Variants in CACNA1C observed in about 807,000 individuals in gnomAD.
The protein encoded by CACNA1C is voltage-dependent L-type calcium channel subunit alpha-1C.
Under a neutral mutation model 229.0 loss-of-function variants are expected in CACNA1C, and 30 were observed. That is an observed-to-expected ratio of 0.13 (90% CI 0.10 to 0.18). CACNA1C has a LOEUF of 0.18. CACNA1C is among the 10% of genes least tolerant of loss of function. The pLI is 1.00. For missense variants in CACNA1C, 1,658 were observed against 2,845.0 expected (o/e 0.58, Z 9.49); for synonymous variants, 1,114 against 1,132.5 (o/e 0.98, Z 0.33).
chr12:2,674,580 T>C lies in CACNA1C; in HGVS notation c.4766T>C (p.Ile1589Thr). The change falls in exon 39 of 47, where the codon ATC (isoleucine) becomes ACC (threonine). Residue 1589 changes from isoleucine (I) to threonine (T), a missense_variant. Coordinates refer to ENST00000399655, the MANE Select transcript of CACNA1C (RefSeq NM_000719.7). The stretch of plus-strand genomic sequence containing the variant: ...GCCAATGAGGAGCTGCGGGCGATCA[T>C]CAAGAAGATCTGGAAGCGGACCAGC... ...EQANEELRAIIKKIWKRTSMK... is the reference protein window; with the variant it reads ...EQANEELRAITKKIWKRTSMK... The C allele has an allele frequency of 6.3e-7, 1 of 1,574,850 alleles. No homozygotes were observed. The highest frequency in any genetic ancestry group is 8.6e-7 in the Non-Finnish European group (1 of 1,159,618).
rs1426299120 is a variant in CACNA1C, at chr12:2,639,276, G to T, written c.3912+4896G>T. On this transcript the variant is annotated intron_variant, in intron 30 of 46. Transcript: ENST00000399655. This position sits in a 1 kb window ranked among gnomAD's most constrained non-coding sequence, Gnocchi z 4.2. ...GGGAAGCCTCTTGCTCTTCCTCAGT[G>T]CTTGGGTCTGAAATCATATTTTCCT... Among the ~76,000 whole-genome samples, 3 of 152,208 alleles carry T rather than the reference G, an allele frequency of 2.0e-5. No individual in the cohort carries two copies. Among genetic ancestry groups the T allele is most frequent in the Admixed American group, 1.3e-4 (2 of 15,290 alleles).
At chr12:2,080,834 C>T (rs2065308463) in intron 1 of CACNA1C, among the ~76,000 whole-genome samples, 1 of 151,658 alleles carries the variant, frequency 6.6e-6, no homozygotes, top group Admixed American at 6.6e-5. Flanking sequence ...AGAATACAGC[C>T]CAGATATTAA....
At chr12:2,205,497 C>T (rs1361738989) in intron 3 of CACNA1C, among the ~76,000 whole-genome samples, 1 of 152,126 alleles carries the variant, frequency 6.6e-6, no homozygotes, top group African/African-American at 2.4e-5. Flanking sequence ...CTCTTGGCTC[C>T]TATAGCACTG....
chr12:2,458,634 A>T (rs1291947175), intron 5 of CACNA1C, among the ~76,000 whole-genome samples: 11 of 152,168 alleles, frequency 7.2e-5, no homozygotes, highest in Admixed American at 7.2e-4. Context: ...GGACCAGATG[A>T]GTTTGGAGAT....
At chr12:2,234,721 T>A (rs1190340276) in intron 3 of CACNA1C, among the ~76,000 whole-genome samples, 1 of 152,110 alleles carries the variant, frequency 6.6e-6, no homozygotes, top group Non-Finnish European at 1.5e-5. Context: ...GTATGTCCCA[T>A]CCTGCTTGTA....
At chr12:2,577,126 T>C (rs1399116787) in intron 13 of CACNA1C, among the ~76,000 whole-genome samples, 1 of 152,082 alleles carries the variant, frequency 6.6e-6, no homozygotes, top group Non-Finnish European at 1.5e-5. Flanking sequence ...CAACCCCATC[T>C]TTCTCTCTGT....
chr12:2,160,871 G>A (rs2095819625), intron 3 of CACNA1C, among the ~76,000 whole-genome samples: 1 of 152,204 alleles, frequency 6.6e-6, no homozygotes, highest in Non-Finnish European at 1.5e-5. Flanking sequence ...ACCCAGGCGG[G>A]AGTGCAGTGG....
intron 1 of CACNA1C, among the ~76,000 whole-genome samples, chr12:2,043,550 C>T (rs539461551): frequency 9.9e-5 from 15 of 151,814 alleles, no homozygotes; most frequent in African/African-American, 3.1e-4. Flanking sequence ...ACATTTCATT[C>T]GTCAGGACTA....
At chr12:2,126,037 G>A (rs1447420383) in intron 3 of CACNA1C, among the ~76,000 whole-genome samples, 3 of 152,182 alleles carry the variant, frequency 2.0e-5, no homozygotes, top group Non-Finnish European at 4.4e-5. Context: ...CCATTCTGTC[G>A]CAGGCCCTTT....
intron 3 of CACNA1C, among the ~76,000 whole-genome samples, chr12:2,426,508 C>A (rs892873531): frequency 1.3e-5 from 2 of 152,166 alleles, no homozygotes; most frequent in African/African-American, 2.4e-5. Flanking sequence ...ATTTGAAAGG[C>A]AGTAGAAGGG....
chr12:2,420,121 G>GTGTGTGTGTC (rs2098962297), intron 3 of CACNA1C, among the ~76,000 whole-genome samples: 1 of 150,256 alleles, frequency 6.7e-6, no homozygotes, highest in African/African-American at 2.5e-5. Context: ...GTGTGTGTGT[G>GTGTGTGTGTC]TGTGTGTGTG....
intron 1 of CACNA1C, among the ~76,000 whole-genome samples, chr12:2,066,309 G>C (rs956065858): frequency 6.6e-6 from 1 of 152,068 alleles, no homozygotes; most frequent in Non-Finnish European, 1.5e-5. Flanking sequence ...AGCCATTGGG[G>C]AGAGAGAGAG....
At chr12:2,191,356 C>T (rs1023633356) in intron 3 of CACNA1C, among the ~76,000 whole-genome samples, 1 of 152,182 alleles carries the variant, frequency 6.6e-6, no homozygotes, top group African/African-American at 2.4e-5. Flanking sequence ...CTCCGCACAT[C>T]TTCCCAGGCC....
chr12:2,560,007 G>A (rs866530599), intron 11 of CACNA1C, among the ~76,000 whole-genome samples: 1 of 152,148 alleles, frequency 6.6e-6, no homozygotes, highest in Non-Finnish European at 1.5e-5. Flanking sequence ...ATCCTTTTGT[G>A]CCAAGTCTTT....
At chr12:2,072,820 T>C (rs183776273) in intron 1 of CACNA1C, among the ~76,000 whole-genome samples, 91 of 152,304 alleles carry the variant, frequency 6.0e-4, no homozygotes, top group Non-Finnish European at 1.0e-3. Context: ...GGGCAGACTG[T>C]CAGTCAACAA....
At chr12:2,109,106 G>A (rs2080508744) in intron 1 of CACNA1C, among the ~76,000 whole-genome samples, 1 of 152,208 alleles carries the variant, frequency 6.6e-6, no homozygotes, top group Non-Finnish European at 1.5e-5. Flanking sequence ...GGGTGTCTGT[G>A]TCTACGAAGG....
intron 9 of CACNA1C, chr12:2,547,430 G>A (rs758661991): frequency 2.6e-6 from 2 of 779,530 alleles, no homozygotes; most frequent in Non-Finnish European, 4.8e-6. Flanking sequence ...TCTTGACACT[G>A]ACCATCTTGT....
intron 3 of CACNA1C, among the ~76,000 whole-genome samples, chr12:2,426,159 T>C (rs1338263187): frequency 1.3e-5 from 2 of 152,188 alleles, no homozygotes; most frequent in African/African-American, 4.8e-5. Context: ...TTCCAAATCT[T>C]ATCAATCAAT....
intron 1 of CACNA1C, among the ~76,000 whole-genome samples, chr12:2,016,212 C>T (rs1250879975): frequency 2.0e-5 from 3 of 152,142 alleles, no homozygotes; most frequent in Admixed American, 2.0e-4. Context: ...ATTTGACAAA[C>T]ATTTCCTGAG....
Sources: gnomAD v4.1 joint callset for allele counts (sites outside exome capture counted in the v4.1 genomes callset) on GRCh38, gnomAD v4.1.1 for gene constraint, Gnocchi (gnomAD v3.1) non-coding constraint, MANE v1.5 for transcripts, NCBI Gene and HGNC (gene_info 2026-07-23, HGNC 2026-07-21) for gene names.